Variants in COL26A1 observed in about 807,000 individuals in gnomAD.
COL26A1 encodes the protein collagen type XXVI alpha 1 chain.
Under a neutral mutation model 59.3 loss-of-function variants are expected in COL26A1, and 41 were observed. The ratio of observed to expected loss-of-function variants is 0.69; its 90% confidence interval spans 0.54 to 0.90. The LOEUF is 0.90. Ranked by LOEUF, COL26A1 falls within the 40% of genes least tolerant of loss-of-function variation. The pLI is 0.00. For missense variants in COL26A1, 612 were observed against 602.3 expected (o/e 1.02, Z -0.17); for synonymous variants, 266 against 256.0 (o/e 1.04, Z -0.37).
chr7:101,507,465 T>C (rs1794835521), intron 3 of COL26A1, among the ~76,000 whole-genome samples: 1 of 151,218 alleles, frequency 6.6e-6, no homozygotes, highest in African/African-American at 2.4e-5. Flanking sequence ...CCTGTTGCCC[T>C]GGCTGGAGTG....
intron 5 of COL26A1, among the ~76,000 whole-genome samples, chr7:101,540,894 C>A (rs1025099069): frequency 1.7e-4 from 26 of 152,242 alleles, no homozygotes; most frequent in African/African-American, 6.3e-4. Context: ...ATAATCCCAG[C>A]ACTTTGGAAG....
At chr7:101,542,470 T>C (rs1795637364) in intron 5 of COL26A1, among the ~76,000 whole-genome samples, 1 of 152,140 alleles carries the variant, frequency 6.6e-6, no homozygotes, top group Non-Finnish European at 1.5e-5. Flanking sequence ...CACCTGAGGC[T>C]CAGAGAAGTT....
chr7:101,473,927 G>C (rs141797436), intron 3 of COL26A1, among the ~76,000 whole-genome samples: 1 of 152,260 alleles, frequency 6.6e-6, no homozygotes, highest in East Asian at 1.9e-4. Context: ...AATGAAATGG[G>C]AAAAAATGAT....
intron 3 of COL26A1, among the ~76,000 whole-genome samples, chr7:101,485,806 C>A (rs1197447089): frequency 2.6e-5 from 4 of 152,082 alleles, no homozygotes; most frequent in Non-Finnish European, 5.9e-5. Flanking sequence ...GAGGCCCAGC[C>A]GCGGCAGCCA....
chr7:101,404,397 C>T (rs138845045), intron 1 of COL26A1, among the ~76,000 whole-genome samples: 135 of 152,206 alleles, frequency 8.9e-4, no homozygotes, highest in African/African-American at 3.0e-3. Context: ...AATGTGAGAC[C>T]GGGAGACACT....
chr7:101,557,677 A>G lies in COL26A1; in HGVS notation c.*147A>G. ...ACATGGGGGGCTTTGGGGACAGATA[A>G]TGTCTCCAGGGGCAGGGTCTGGAGG... On this transcript the variant is annotated 3_prime_UTR_variant, in exon 13 of 13. Coordinates refer to ENST00000313669, the MANE Select transcript of COL26A1 (RefSeq NM_001278563.3). 1.2e-6 allele frequency: 1 copy of G among 809,042 alleles called. No homozygotes were observed. Among genetic ancestry groups the G allele is most frequent in the Non-Finnish European group, 1.9e-6 (1 of 533,318 alleles). 50.1% of individuals were successfully genotyped at this position (809,042 alleles called of 1,614,324 possible). A position where few individuals can be genotyped will look rare whatever the true frequency, so the allele number is the denominator to read the frequency against.
chr7:101,541,034 A>G (rs1369773538), intron 5 of COL26A1, among the ~76,000 whole-genome samples: 1 of 152,220 alleles, frequency 6.6e-6, no homozygotes, highest in Non-Finnish European at 1.5e-5. Context: ...GCAGTCCCTC[A>G]TGGAAACAAC....
In COL26A1 at chr7:101,488,349, A is replaced by AATTT. The variant is rs1491342922; in HGVS notation, c.385+40564_385+40565insTTAT. ...TTTTAATCCGTTTTTAATTTTATTT[A>AATTT]ATATATATATATATATATATATATA... On this transcript the variant is annotated intron_variant, in intron 3 of 12. Coordinates refer to ENST00000313669, the MANE Select transcript of COL26A1 (RefSeq NM_001278563.3). Among the ~76,000 whole-genome samples the AATTT allele has an allele frequency of 6.6e-3, 694 of 104,900 alleles. 6 individuals are homozygous for AATTT. The highest frequency in any genetic ancestry group is 0.027 in the African/African-American group (659 of 24,008). The allele number at this position is 104,900 out of a possible 152,430, so 68.8% of individuals were successfully genotyped here.
intron 1 of COL26A1, among the ~76,000 whole-genome samples, chr7:101,385,209 T>G (rs1791536304): frequency 2.5e-5 from 1 of 39,762 alleles, no homozygotes; most frequent in Non-Finnish European, 4.6e-5. Context: ...TTTGACACTA[T>G]ATATACACAC....
chr7:101,460,368 C>G (rs368429239), intron 3 of COL26A1, among the ~76,000 whole-genome samples: 10 of 152,258 alleles, frequency 6.6e-5, no homozygotes, highest in African/African-American at 2.4e-4. Flanking sequence ...CTCCCTGGGT[C>G]TAAGTTTCTC....
intron 3 of COL26A1, among the ~76,000 whole-genome samples, chr7:101,465,675 C>A (rs765611575): frequency 1.3e-3 from 118 of 88,320 alleles, no homozygotes; most frequent in Non-Finnish European, 1.8e-3. Flanking sequence ...GCCTGGACGA[C>A]AAAGTGAAAC....
At chr7:101,382,861 C>T (rs912709515) in intron 1 of COL26A1, among the ~76,000 whole-genome samples, 1 of 151,970 alleles carries the variant, frequency 6.6e-6, no homozygotes, top group African/African-American at 2.4e-5. Context: ...GGCTGGCCAA[C>T]GTGGAGAATA....
intron 2 of COL26A1, among the ~76,000 whole-genome samples, chr7:101,438,816 G>A (rs574096902): frequency 2.0e-5 from 3 of 151,420 alleles, no homozygotes; most frequent in South Asian, 2.1e-4. Context: ...GATCACAGGC[G>A]TGCACAACCA....
chr7:101,418,825 C>T (rs1430813390), intron 1 of COL26A1, among the ~76,000 whole-genome samples: 3 of 151,936 alleles, frequency 2.0e-5, no homozygotes, highest in African/African-American at 7.3e-5. Context: ...TAACCTGATC[C>T]CGTATTGTTT....
At chr7:101,541,307 C>A (rs1467689849) in intron 5 of COL26A1, among the ~76,000 whole-genome samples, 2 of 152,060 alleles carry the variant, frequency 1.3e-5, no homozygotes, top group Non-Finnish European at 2.9e-5. Flanking sequence ...GGACATCTGC[C>A]CCCCTGCCTT....
At chr7:101,376,640 C>T (rs1791326315) in intron 1 of COL26A1, among the ~76,000 whole-genome samples, 1 of 152,098 alleles carries the variant, frequency 6.6e-6, no homozygotes, top group Non-Finnish European at 1.5e-5. Context: ...AGCTGTAATC[C>T]TGATGGTTTT....
Position 101,407,531 on chromosome 7 carries a change from G to A in COL26A1, c.159-12446G>A, listed in dbSNP as rs1320378170. Among the ~76,000 whole-genome samples, 3 of 151,618 alleles carry A rather than the reference G, an allele frequency of 2.0e-5. No individual in the cohort carries two copies. In the East Asian group the frequency reaches 5.9e-4, roughly 30 times the overall value. ...ATCACCTTCTGCTTGTAGGACAGTG[G>A]CCATAGATATCTCCTCCCGGGGCTC... On this transcript the variant is annotated intron_variant, in intron 1 of 12. Transcript: ENST00000313669.
At chr7:101,390,148 G>GTTTTTTTTTTTTTTTTTTTTTTTTTTTT (rs60091954) in intron 1 of COL26A1, among the ~76,000 whole-genome samples, 1 of 72,374 alleles carries the variant, frequency 1.4e-5, no homozygotes, top group Non-Finnish European at 2.6e-5. Flanking sequence ...CATGTTAAGG[G>GTTTTTTTTTTTTTTTTTTTTTTTTTTTT]TTTTTTTTTT....
chr7:101,374,548 A>G (rs1265616642), intron 1 of COL26A1, among the ~76,000 whole-genome samples: 1 of 152,164 alleles, frequency 6.6e-6, no homozygotes. Flanking sequence ...AGATTTTCAT[A>G]GGAGCTCCAG....
Sources: allele counts gnomAD v4.1 joint callset (sites outside exome capture counted in the v4.1 genomes callset), GRCh38; gene constraint gnomAD v4.1.1; transcripts MANE v1.5; gene names NCBI Gene and HGNC (gene_info 2026-07-23, HGNC 2026-07-21).